Variants in STXBP5 observed in about 807,000 individuals in gnomAD.
The protein encoded by STXBP5 is syntaxin binding protein 5, also known as syntaxin-binding protein 5.
In STXBP5, 50 loss-of-function variants were observed where a neutral mutation model predicts 152.4. The observed-to-expected ratio is 0.33, with a 90% CI of 0.26 to 0.42. STXBP5 has a LOEUF of 0.42. Ranked by LOEUF, STXBP5 falls within the 10% of genes least tolerant of loss-of-function variation. STXBP5 has a pLI of 1.00. For missense variants in STXBP5, 1,167 were observed against 1,388.6 expected (o/e 0.84, Z 2.54); for synonymous variants, 492 against 494.7 (o/e 0.99, Z 0.07).
intron 5 of STXBP5, 147 bp downstream of exon 5, chr6:147,260,896 GAGT>G (rs1779610913): frequency 9.3e-7 from 1 of 1,077,432 alleles, no homozygotes; most frequent in South Asian, 1.8e-5. Context: ...AGTTTTTTAT[GAGT>G]AGTATTTTGA....
At chr6:147,314,390 G>A in intron 13 of STXBP5, 59 bp downstream of exon 13, 1 of 1,465,170 alleles carries the variant, frequency 6.8e-7, no homozygotes, top group Non-Finnish European at 9.6e-7. Flanking sequence ...AATTGATTGA[G>A]ACTACATGAA....
chr6:147,385,961 A>C lies in STXBP5; in HGVS notation c.*1206A>C, dbSNP rs1183636658. On this transcript the variant is annotated 3_prime_UTR_variant, in exon 28 of 28. Coordinates refer to ENST00000321680, the MANE Select transcript of STXBP5 (RefSeq NM_001127715.4). ...ACTATAAATCTGTACATATCCTTTCAAGGTTTTAAAAAACCAAAAAGAAAG... is the reference window on the plus strand; with the variant it reads ...ACTATAAATCTGTACATATCCTTTCCAGGTTTTAAAAAACCAAAAAGAAAG... 6.6e-6 allele frequency: 1 copy of C among 152,094 alleles called. No individual in the cohort carries two copies. Among genetic ancestry groups the C allele is most frequent in the East Asian group, 1.9e-4 (1 of 5,186 alleles). The allele number at this position is 152,094 out of a possible 1,614,324, so 9.4% of individuals were successfully genotyped here. A position where few individuals can be genotyped will look rare whatever the true frequency, so the allele number is the denominator to read the frequency against.
At chr6:147,347,113 G>T (rs1440491266) in intron 21 of STXBP5, among the ~76,000 whole-genome samples, 1 of 152,126 alleles carries the variant, frequency 6.6e-6, no homozygotes, top group East Asian at 1.9e-4. Flanking sequence ...TTCAAACTAG[G>T]TCCTGAGAAC....
At chr6:147,342,395 A>G (rs991811360) in intron 21 of STXBP5, among the ~76,000 whole-genome samples, 4 of 152,164 alleles carry the variant, frequency 2.6e-5, no homozygotes, top group Admixed American at 1.3e-4. Flanking sequence ...GATCCTGACA[A>G]TGACCTTGAT....
Position 147,310,238 on chromosome 6 carries a change from G to T in STXBP5, c.1072G>T (p.Asp358Tyr). 6.5e-7 allele frequency: 1 copy of T among 1,549,838 alleles called. No individual in the cohort carries two copies. The highest frequency in any genetic ancestry group is 1.3e-5 in the South Asian group (1 of 79,568). ...LTLCETPYPNDFQEPYAVVVL... is the reference protein window; with the variant it reads ...LTLCETPYPNYFQEPYAVVVL... ...GCTGTGTGAAACACCATACCCAAAT[G>T]GTAAGCTTTGCAACTTTAAAGCTCA... The change falls in exon 10 of 28, where the codon GAT (aspartate) becomes TAT (tyrosine). Residue 358 changes from aspartate to tyrosine, a missense_variant and splice_region_variant. Physicochemically the swap from Asp to Tyr is radical, Grantham distance 160. Coordinates refer to ENST00000321680, the MANE Select transcript of STXBP5 (RefSeq NM_001127715.4).
At chr6:147,332,833 C>T (rs1474808986) in intron 18 of STXBP5, among the ~76,000 whole-genome samples, 1 of 152,076 alleles carries the variant, frequency 6.6e-6, no homozygotes, top group African/African-American at 2.4e-5. Context: ...AATGTTTCTT[C>T]CTAGGCCTTT....
intron 11 of STXBP5, 147 bp from the exon 12 acceptor site, chr6:147,313,737 G>A: frequency 1.8e-6 from 1 of 543,482 alleles, no homozygotes; most frequent in Non-Finnish European, 2.9e-6. Context: ...CATTATAAAA[G>A]ACTTCCATTT....
At position 147,353,670 on chromosome 6, in the gene STXBP5, TAA is replaced by T. The variant is rs145446782; in HGVS notation, c.2305+300_2305+301del. 7.3e-3 allele frequency among the ~76,000 whole-genome samples: 1,110 copies of T among 152,308 alleles called. 6 individuals carry two copies. The highest frequency in any genetic ancestry group is 0.012 in the East Asian group (64 of 5,188). On this transcript the variant is annotated intron_variant, in intron 22 of 27. Coordinates refer to ENST00000321680, the MANE Select transcript of STXBP5 (RefSeq NM_001127715.4). ...TGTGCAATTTTAGATTAATTTTTAT[TAA>T]AAGTGGTTGTATCCCATTTAACCAT... is the stretch of plus-strand genomic sequence containing the variant.
intron 2 of STXBP5, 29 bp downstream of exon 2, chr6:147,206,097 C>T (rs771569182): frequency 1.9e-6 from 3 of 1,590,240 alleles, no homozygotes; most frequent in Non-Finnish European, 2.6e-6. Flanking sequence ...TATTTTTTAA[C>T]TTCTACTTTG....
intron 2 of STXBP5, among the ~76,000 whole-genome samples, chr6:147,224,957 A>G (rs1370366118): frequency 1.3e-5 from 2 of 152,184 alleles, no homozygotes; most frequent in African/African-American, 4.8e-5. Context: ...AAAAGTAAAA[A>G]TCATCTACTG....
intron 4 of STXBP5, among the ~76,000 whole-genome samples, chr6:147,255,837 A>G (rs896542934): frequency 6.6e-6 from 1 of 152,210 alleles, no homozygotes; most frequent in Non-Finnish European, 1.5e-5. Context: ...CTGTACAATT[A>G]TAAGAAAGTT....
intron 2 of STXBP5, among the ~76,000 whole-genome samples, chr6:147,227,099 G>A (rs933984169): frequency 7.2e-5 from 11 of 152,130 alleles, no homozygotes; most frequent in African/African-American, 2.7e-4. Context: ...GAATGTGAGG[G>A]ATGAAAACAA....
At chr6:147,249,265 A>AT (rs1177811840) in intron 4 of STXBP5, among the ~76,000 whole-genome samples, 7 of 152,042 alleles carry the variant, frequency 4.6e-5, no homozygotes, top group South Asian at 2.1e-4. Flanking sequence ...AAAAAAAAAA[A>AT]TACACCTGGT....
chr6:147,276,749 T>C (rs1180328167), intron 7 of STXBP5, among the ~76,000 whole-genome samples: 1 of 152,162 alleles, frequency 6.6e-6, no homozygotes, highest in African/African-American at 2.4e-5. Context: ...CAGTTTATTA[T>C]TGCTTTAAGA....
At chr6:147,302,954 G>A (rs1007105418) in intron 9 of STXBP5, among the ~76,000 whole-genome samples, 5 of 152,144 alleles carry the variant, frequency 3.3e-5, no homozygotes, top group African/African-American at 1.2e-4. Context: ...TAATTCAGTA[G>A]TGAAAATCTT....
Position 147,383,032 on chromosome 6 carries a change from C to T in STXBP5, c.3414+34C>T, listed in dbSNP as rs373354373. ...CTCAAACAGATATTTGAACAAAAAGCTCTAGGTAAAGCAAGTGTGAATGTT... is the reference window on the plus strand; with the variant it reads ...CTCAAACAGATATTTGAACAAAAAGTTCTAGGTAAAGCAAGTGTGAATGTT... On this transcript the variant is annotated intron_variant, in intron 27 of 27. Coordinates refer to ENST00000321680, the MANE Select transcript of STXBP5 (RefSeq NM_001127715.4). 12 of 1,606,160 alleles carry T rather than the reference C, an allele frequency of 7.5e-6. No homozygotes were observed. The African/African-American group carries it at 1.5e-4, about 20-fold the overall frequency.
chr6:147,270,618 T>TA (rs377043033), intron 7 of STXBP5, among the ~76,000 whole-genome samples: 5 of 152,008 alleles, frequency 3.3e-5, no homozygotes, highest in African/African-American at 1.2e-4. Context: ...AACTATAAGA[T>TA]ATGTTAAAAG....
chr6:147,332,369 G>T (rs1473154045), intron 18 of STXBP5, among the ~76,000 whole-genome samples: 1 of 152,200 alleles, frequency 6.6e-6, no homozygotes, highest in Non-Finnish European at 1.5e-5. Context: ...GTACTTGAAG[G>T]AGGATTTGAA....
intron 9 of STXBP5, among the ~76,000 whole-genome samples, chr6:147,301,670 T>A (rs1226696579): frequency 1.3e-5 from 2 of 152,230 alleles, no homozygotes; most frequent in Non-Finnish European, 2.9e-5. Flanking sequence ...TCCCCAAATC[T>A]CACACCTAAC....
Sources: gnomAD v4.1 joint callset for allele counts (sites outside exome capture counted in the v4.1 genomes callset) on GRCh38, gnomAD v4.1.1 for gene constraint, MANE v1.5 for transcripts, NCBI Gene and HGNC (gene_info 2026-07-23, HGNC 2026-07-21) for gene names.